TMEM131L: variants seen among roughly 807,000 people sequenced by gnomAD.
TMEM131L encodes transmembrane 131 like, also known as transmembrane protein 131-like.
TMEM131L carries 54 observed loss-of-function variants against 192.2 expected under a neutral mutation model. That is an observed-to-expected ratio of 0.28 (90% CI 0.23 to 0.35). The LOEUF (loss-of-function observed/expected upper bound fraction) is 0.35, where lower values mean the gene tolerates loss of function less well. Ranked by LOEUF, TMEM131L falls within the 10% of genes least tolerant of loss-of-function variation. The pLI, the probability that TMEM131L is intolerant of heterozygous loss-of-function variation, is 1.00. For missense variants in TMEM131L, 1,888 were observed against 1,972.9 expected (o/e 0.96, Z 0.82); for synonymous variants, 701 against 704.9 (o/e 0.99, Z 0.09).
In TMEM131L at chr4:153,632,856, T is replaced by C. The variant is rs1578913409; in HGVS notation, c.4328+18T>C. On this transcript the variant is annotated intron_variant, in intron 32 of 34. Coordinates refer to ENST00000409959, the MANE Select transcript of TMEM131L (RefSeq NM_001131007.2). ...CATAATAGGTACAGCTTCACTTCTC[T>C]GATTGGTGCCTTGCTTAGTCTAAGG... 1 of 1,613,982 alleles carries C rather than the reference T, an allele frequency of 6.2e-7. No homozygotes were observed. The highest frequency in any genetic ancestry group is 1.7e-5 in the Admixed American group (1 of 60,004).
At chr4:153,561,919 T>C (rs1369820821) in intron 7 of TMEM131L, among the ~76,000 whole-genome samples, 1 of 151,838 alleles carries the variant, frequency 6.6e-6, no homozygotes, top group Non-Finnish European at 1.5e-5. Context: ...TTAATTTTTT[T>C]GGCTGGTCTT....
intron 3 of TMEM131L, among the ~76,000 whole-genome samples, chr4:153,497,625 C>G (rs1008317131): frequency 6.6e-6 from 1 of 152,106 alleles, no homozygotes; most frequent in African/African-American, 2.4e-5. Flanking sequence ...TCAGGTAAAG[C>G]GTTTTCCATG....
At chr4:153,582,075 C>T (rs1175400986) in intron 9 of TMEM131L, among the ~76,000 whole-genome samples, 3 of 152,148 alleles carry the variant, frequency 2.0e-5, no homozygotes, top group African/African-American at 4.8e-5. Context: ...GTTTAACTTC[C>T]TAAGAACTTT....
In TMEM131L at chr4:153,586,292, C is replaced by T. The variant is rs907825404; in HGVS notation, c.1395C>T (p.Ala465=). 6 of 1,603,850 alleles carry T rather than the reference C, an allele frequency of 3.7e-6. No homozygotes were observed. Among genetic ancestry groups the T allele is most frequent in the South Asian group, 1.1e-5 (1 of 88,204 alleles). The change falls in exon 14 of 35, where the codon GCC becomes GCT. Residue 465 remains alanine (A), a synonymous_variant. Transcript: ENST00000409959. ...TGAAACTTGCTGTTAAAGACATTGC[C>T]ATAAATCTATTCACCAATGTATTTT... ...FSLKLAVKDI[A]INLFTNVFLT...
At chr4:153,537,521 C>T in intron 3 of TMEM131L, among the ~76,000 whole-genome samples, 1 of 152,144 alleles carries the variant, frequency 6.6e-6, no homozygotes, top group East Asian at 1.9e-4. Flanking sequence ...TATGCCTCCC[C>T]TTTTTTGACC....
rs570444616 is a variant in TMEM131L at position 153,597,709 on chromosome 4, G to C, written c.2124-881G>C. On this transcript the variant is annotated intron_variant, in intron 20 of 34. Coordinates refer to ENST00000409959, the MANE Select transcript of TMEM131L (RefSeq NM_001131007.2). ...GCACTTTGGGAGGCTGAGGTGGACA[G>C]ATCACCTGAGCCCAGGAGTTCGAGA... Among the ~76,000 whole-genome samples, 5 of 152,344 alleles carry C rather than the reference G, an allele frequency of 3.3e-5. No individual in the cohort carries two copies. The South Asian group carries it at 1.0e-3, about 32-fold the overall frequency.
intron 21 of TMEM131L, among the ~76,000 whole-genome samples, chr4:153,601,124 G>T (rs868509469): frequency 7.2e-6 from 1 of 138,506 alleles, no homozygotes; most frequent in South Asian, 2.3e-4. Flanking sequence ...AAAAAAAAAA[G>T]ATTTGTTAGT....
chr4:153,517,135 T>C (rs935698234), intron 3 of TMEM131L, among the ~76,000 whole-genome samples: 2 of 152,234 alleles, frequency 1.3e-5, no homozygotes, highest in South Asian at 4.1e-4. Context: ...AGCTCATCTT[T>C]TAAATTTTAA....
intron 26 of TMEM131L, among the ~76,000 whole-genome samples, chr4:153,617,864 T>C (rs1167338842): frequency 1.9e-5 from 1 of 53,966 alleles, no homozygotes; most frequent in Non-Finnish European, 6.7e-5. Flanking sequence ...CTCTTCGTGG[T>C]TTTTTTTTTT....
chr4:153,516,769 G>C (rs963468978), intron 3 of TMEM131L, among the ~76,000 whole-genome samples: 4 of 151,962 alleles, frequency 2.6e-5, no homozygotes, highest in Non-Finnish European at 5.9e-5. Flanking sequence ...AGTTTCTTAC[G>C]AGCCTCCCAG....
chr4:153,583,883 G>A (rs987076737), intron 11 of TMEM131L, among the ~76,000 whole-genome samples: 1 of 152,194 alleles, frequency 6.6e-6, no homozygotes, highest in Non-Finnish European at 1.5e-5. Flanking sequence ...GTAGAATTTT[G>A]AGTTTAAAGC....
chr4:153,569,503 A>G (rs1190052858), intron 7 of TMEM131L, among the ~76,000 whole-genome samples: 1 of 152,260 alleles, frequency 6.6e-6, no homozygotes, highest in Non-Finnish European at 1.5e-5. Context: ...GGTACAGTTT[A>G]TCAGAGCTTT....
chr4:153,520,600 T>A (rs1257187846), intron 3 of TMEM131L, among the ~76,000 whole-genome samples: 1 of 152,250 alleles, frequency 6.6e-6, no homozygotes, highest in Non-Finnish European at 1.5e-5. Context: ...GCCCTAGGTC[T>A]CCAGTGCAGA....
intron 3 of TMEM131L, among the ~76,000 whole-genome samples, chr4:153,532,828 T>C (rs948772395): frequency 6.6e-6 from 1 of 152,192 alleles, no homozygotes; most frequent in African/African-American, 2.4e-5. Context: ...GCTGGGTTCA[T>C]GTACCTACTA....
At chr4:153,485,877 A>C (rs1378988380) in intron 3 of TMEM131L, among the ~76,000 whole-genome samples, 1 of 152,180 alleles carries the variant, frequency 6.6e-6, no homozygotes, top group Non-Finnish European at 1.5e-5. Flanking sequence ...AACCAGGTGG[A>C]TATGTGGTAG....
chr4:153,584,705 T>C (rs1207168272), intron 11 of TMEM131L, 130 bp from the exon 12 acceptor site: 10 of 545,306 alleles, frequency 1.8e-5, no homozygotes, highest in Admixed American at 1.7e-4. Context: ...TTACCTTTTA[T>C]GTCTGATTCA....
At chr4:153,491,102 C>G (rs990508743) in intron 3 of TMEM131L, among the ~76,000 whole-genome samples, 2 of 152,112 alleles carry the variant, frequency 1.3e-5, no homozygotes, top group Non-Finnish European at 2.9e-5. Flanking sequence ...TATGGACACA[C>G]AGATATCAAG....
At chr4:153,510,231 G>A (rs1734262961) in intron 3 of TMEM131L, among the ~76,000 whole-genome samples, 1 of 152,056 alleles carries the variant, frequency 6.6e-6, no homozygotes, top group Non-Finnish European at 1.5e-5. Context: ...GTGACTTAGA[G>A]TAGTGGGATT....
chr4:153,545,849 A>G (rs1346593820), intron 3 of TMEM131L, among the ~76,000 whole-genome samples: 1 of 152,110 alleles, frequency 6.6e-6, no homozygotes, highest in Non-Finnish European at 1.5e-5. Flanking sequence ...GACACTGCAG[A>G]TGGCTCTTGC....
Sources: gnomAD v4.1 joint callset for allele counts (sites outside exome capture counted in the v4.1 genomes callset) on GRCh38, gnomAD v4.1.1 for gene constraint, MANE v1.5 for transcripts, NCBI Gene and HGNC (gene_info 2026-07-23, HGNC 2026-07-21) for gene names.